ACSS1: variants seen among roughly 807,000 people sequenced by gnomAD.
ACSS1 encodes acyl-CoA synthetase short chain family member 1.
Under a neutral mutation model 75.3 loss-of-function variants are expected in ACSS1, and 42 were observed. The ratio of observed to expected loss-of-function variants is 0.56; its 90% CI spans 0.44 to 0.72. ACSS1 has a LOEUF of 0.72. Ranked by LOEUF, ACSS1 falls within the 30% of genes least tolerant of loss-of-function variation. ACSS1 has a pLI of 0.00. For missense variants in ACSS1, 782 were observed against 935.7 expected (o/e 0.84, Z 2.14); for synonymous variants, 380 against 376.8 (o/e 1.01, Z -0.10).
chr20:25,040,692 G>A (rs1283277173), intron 2 of ACSS1, among the ~76,000 whole-genome samples: 1 of 152,174 alleles, frequency 6.6e-6, no homozygotes, highest in Non-Finnish European at 1.5e-5. Flanking sequence ...AGGAAGATAT[G>A]CACACACAAC....
chr20:25,038,657 C>T (rs1279430646), intron 2 of ACSS1, among the ~76,000 whole-genome samples: 1 of 152,186 alleles, frequency 6.6e-6, no homozygotes, highest in Non-Finnish European at 1.5e-5. Flanking sequence ...GAAGCCCTCA[C>T]CTGCACAGCC....
Position 25,057,824 on chromosome 20 carries a change from G to C in ACSS1, c.279C>G (p.Cys93Trp). 6.2e-7 allele frequency: 1 copy of C among 1,605,514 alleles called. No homozygotes were observed. Among genetic ancestry groups the C allele is most frequent in the Non-Finnish European group, 8.5e-7 (1 of 1,174,468 alleles). ...AGCCGATCTTGCCAGTGCTGAAGTC[G>C]CAGTCCCAGACGGTGTGGTAGGGGG... ...WDTPYHTVWD[C>W]DFSTGKIGWF... The change falls in exon 1 of 14, where the codon TGC becomes TGG. Residue 93 changes from cysteine (C) to tryptophan (W), a missense_variant. Around this residue, in one of 2 missense-constraint regions of ACSS1, gnomAD observed 377 missense variants for 383.1 expected, o/e 0.98. Coordinates refer to ENST00000323482, the MANE Select transcript of ACSS1 (RefSeq NM_032501.4).
chr20:25,049,370 G>A (rs985503088), intron 1 of ACSS1, among the ~76,000 whole-genome samples: 1 of 152,062 alleles, frequency 6.6e-6, no homozygotes, highest in Non-Finnish European at 1.5e-5. Context: ...TGGGTGTTGG[G>A]GAGTCTCTTA....
chr20:25,021,298 C>A (rs1206774537), intron 6 of ACSS1, 91 bp downstream of exon 6: 4 of 1,491,746 alleles, frequency 2.7e-6, no homozygotes, highest in Admixed American at 2.2e-5. Context: ...CCCAGGCGTC[C>A]CCCTTCCATG....
chr20:25,034,515 G>A (rs1410305902), intron 2 of ACSS1, among the ~76,000 whole-genome samples: 1 of 151,872 alleles, frequency 6.6e-6, no homozygotes, highest in Non-Finnish European at 1.5e-5. Flanking sequence ...CATTCTCATG[G>A]TGCCTGCCCA....
chr20:25,015,685 C>G (rs1029199294), intron 7 of ACSS1, among the ~76,000 whole-genome samples: 3 of 152,126 alleles, frequency 2.0e-5, no homozygotes, highest in African/African-American at 7.2e-5. Flanking sequence ...GTGAGACATA[C>G]CGTATTTATG....
chr20:25,011,525 C>T (rs1490868082), intron 12 of ACSS1: 1 of 152,318 alleles, frequency 6.6e-6, no homozygotes, highest in African/African-American at 2.4e-5. Context: ...AGCGAGGTAA[C>T]CTCAGGGGGG....
intron 3 of ACSS1, among the ~76,000 whole-genome samples, chr20:25,026,266 C>T (rs1406893782): frequency 6.6e-6 from 1 of 152,182 alleles, no homozygotes; most frequent in Non-Finnish European, 1.5e-5. Flanking sequence ...ATTCTTTCAC[C>T]TGCTCTTATA....
chr20:25,045,303 C>G (rs1166474397), intron 2 of ACSS1, among the ~76,000 whole-genome samples: 1 of 152,198 alleles, frequency 6.6e-6, no homozygotes, highest in Non-Finnish European at 1.5e-5. Context: ...TCTGCTGACC[C>G]TGCACCCCAG....
chr20:25,048,681 C>T (rs961719323), intron 1 of ACSS1, among the ~76,000 whole-genome samples: 4 of 152,234 alleles, frequency 2.6e-5, no homozygotes, highest in African/African-American at 9.6e-5. Flanking sequence ...GGGACGAGGA[C>T]CCAACTCCCC....
chr20:25,042,759 G>A (rs550483386), intron 2 of ACSS1, among the ~76,000 whole-genome samples: 11 of 152,096 alleles, frequency 7.2e-5, no homozygotes, highest in East Asian at 1.9e-4. Context: ...ACCCACTCTC[G>A]GCCCCAGCAG....
In ACSS1 at chr20:25,023,652, C is replaced by T; in HGVS notation, c.632-11G>A. The T allele has an allele frequency of 6.3e-7, 1 of 1,585,558 alleles. No homozygotes were observed. The highest frequency in any genetic ancestry group is 1.3e-5 in the African/African-American group (1 of 74,544). The stretch of plus-strand genomic sequence containing the variant: ...CCACCTTGCACTTGGCTAACAGAGA[C>T]AACACAGACATTTCTGATCAGTCTC... On this transcript the variant is annotated splice_polypyrimidine_tract_variant and intron_variant, in intron 3 of 13. Coordinates refer to ENST00000323482, the MANE Select transcript of ACSS1 (RefSeq NM_032501.4).
rs1568840996 is a variant in ACSS1 at position 25,032,260 on chromosome 20, T to C, written c.432-1302A>G. ...CACCACTCAGGGCGCATCATCTCTC[T>C]GGGCAAGCTGATTGGCTCAGGGCCG... On this transcript the variant is annotated intron_variant, in intron 2 of 13. Coordinates refer to ENST00000323482, the MANE Select transcript of ACSS1 (RefSeq NM_032501.4). The C allele has an allele frequency of 2.9e-6, 3 of 1,031,056 alleles. No homozygotes were observed. The African/African-American group carries it at 5.0e-5, about 17-fold the overall frequency. 63.9% of individuals were successfully genotyped at this position (1,031,056 alleles called of 1,614,324 possible).
chr20:25,016,874 C>T (rs778588988), intron 7 of ACSS1, among the ~76,000 whole-genome samples: 5 of 152,178 alleles, frequency 3.3e-5, no homozygotes, highest in African/African-American at 9.7e-5. Flanking sequence ...TTAAAGAAAA[C>T]GTCATTTAAC....
intron 2 of ACSS1, chr20:25,046,274 T>A (rs995414434): frequency 1.3e-5 from 2 of 153,752 alleles, no homozygotes; most frequent in African/African-American, 4.8e-5. Flanking sequence ...TAATAAGTAC[T>A]TTGCCAGGGC....
intron 1 of ACSS1, among the ~76,000 whole-genome samples, chr20:25,051,122 G>A (rs1386318996): frequency 6.6e-6 from 1 of 152,150 alleles, no homozygotes; most frequent in Non-Finnish European, 1.5e-5. Flanking sequence ...TCCCTGCCTG[G>A]GGCACTGTGC....
chr20:25,057,640 T>G, intron 1 of ACSS1, 129 bp downstream of exon 1: 1 of 818,192 alleles, frequency 1.2e-6, no homozygotes, highest in Admixed American at 3.2e-5. Context: ...GCGGACGGAA[T>G]ACCGGAGGAG....
chr20:25,007,009 G>C lies in ACSS1; in HGVS notation c.*753C>G. ...GAAGAAACAGAACATAACTGGAGTA[G>C]CTTCAGAACTAAGGCGGCCACATTC... On this transcript the variant is annotated 3_prime_UTR_variant, in exon 14 of 14. Transcript: ENST00000323482. 2 of 1,529,866 alleles carry C rather than the reference G, an allele frequency of 1.3e-6. No homozygotes were observed. Among genetic ancestry groups the C allele is most frequent in the Non-Finnish European group, 1.7e-6 (2 of 1,143,492 alleles). The allele number at this position is 1,529,866 out of a possible 1,614,324, so 94.8% of individuals were successfully genotyped here.
rs1016750417 is a variant in ACSS1, at chr20:25,020,039, T to C, written c.1217A>G (p.Asp406Gly). The stretch of plus-strand genomic sequence containing the variant: ...CCCCAGGGTCCGCAGGGAGGAGCGA[T>C]CATACTTCTTCACCCAGGCATCACC... ...KYGDAWVKKY[D>G]RSSLRTLGSV... The change falls in exon 7 of 14, where the codon GAT becomes GGT. Residue 406 changes from aspartate (D) to glycine (G), a missense_variant. This residue lies in a region of ACSS1 where 405 missense variants were observed against 552.6 expected (regional missense o/e 0.73). Transcript: ENST00000323482. 6.2e-7 allele frequency: 1 copy of C among 1,614,036 alleles called. No individual in the cohort carries two copies. The highest frequency in any genetic ancestry group is 8.5e-7 in the Non-Finnish European group (1 of 1,180,038).
Sources: allele counts gnomAD v4.1 joint callset (sites outside exome capture counted in the v4.1 genomes callset), GRCh38; gene constraint gnomAD v4.1.1; regional missense constraint gnomAD v4.1.1; transcripts MANE v1.5; gene names NCBI Gene and HGNC (gene_info 2026-07-23, HGNC 2026-07-21).